Variants in FURIN observed in about 807,000 individuals in gnomAD.
FURIN encodes the protein FES upstream region.
A neutral mutation model predicts 89.2 loss-of-function variants in FURIN; 18 were observed. The ratio of observed to expected loss-of-function variants is 0.20; its 90% CI spans 0.14 to 0.30. The LOEUF (loss-of-function observed/expected upper bound fraction) is 0.30. Ranked by LOEUF, FURIN falls within the 10% of genes least tolerant of loss-of-function variation. FURIN has a pLI of 1.00. For synonymous variants in FURIN, 508 were observed against 466.4 expected (o/e 1.09, Z -1.15); for missense variants, 879 against 1,100.5 (o/e 0.80, Z 2.85).
Position 90,876,918 on chromosome 15 carries a change from T to A in FURIN, c.395T>A (p.Leu132Gln). 2 of 1,614,080 alleles carry A rather than the reference T, an allele frequency of 1.2e-6. No homozygotes were observed. Among genetic ancestry groups the A allele is most frequent in the Non-Finnish European group, 1.7e-6 (2 of 1,179,948 alleles). The change falls in exon 5 of 16, where the codon CTG (leucine) becomes CAG (glutamine). Residue 132 changes from leucine to glutamine, a missense_variant. Physicochemically the swap from Leu to Gln is moderately radical, Grantham distance 113. Around this residue, in one of 5 missense-constraint regions of FURIN, gnomAD observed 139 missense variants for 215.0 expected, o/e 0.65. Transcript: ENST00000268171. This position sits in a 1 kb window ranked among gnomAD's most constrained non-coding sequence, Gnocchi z 5.0. ...WYLSGVTQRDLNVKAAWAQGY... is the reference protein window; with the variant it reads ...WYLSGVTQRDQNVKAAWAQGY... ...CAGTCTGGTGTCACTCAGCGGGACC[T>A]GAATGTGAAGGCGGCCTGGGCGCAG...
chr15:90,872,569 T>C (rs2031376895), intron 1 of FURIN, among the ~76,000 whole-genome samples: 1 of 152,138 alleles, frequency 6.6e-6, no homozygotes, highest in Non-Finnish European at 1.5e-5. Flanking sequence ...CTATTTCCTA[T>C]ATTGGGCTTC....
chr15:90,883,407 G>A lies in FURIN; in HGVS notation c.*1529G>A, dbSNP rs539363356. ...TGCTGGTTCTATTTAATGGACATGAGATAATGTTAGAGGTTTTAAAGTGAT... is the reference window on the plus strand; with the variant it reads ...TGCTGGTTCTATTTAATGGACATGAAATAATGTTAGAGGTTTTAAAGTGAT... On this transcript the variant is annotated 3_prime_UTR_variant, in exon 16 of 16. Transcript: ENST00000268171. 2 of 152,794 alleles carry A rather than the reference G, an allele frequency of 1.3e-5. No homozygotes were observed. Among genetic ancestry groups the A allele is most frequent in the African/African-American group, 4.8e-5 (2 of 41,588 alleles). The allele number at this position is 152,794 out of a possible 1,614,324, so 9.5% of individuals were successfully genotyped here. A position where few individuals can be genotyped will look rare whatever the true frequency, so the allele number is the denominator to read the frequency against.
In FURIN at chr15:90,882,336, C is replaced by A. The variant is rs901368100; in HGVS notation, c.*458C>A. 5.8e-6 allele frequency: 1 copy of A among 172,876 alleles called. No individual in the cohort carries two copies. The highest frequency in any genetic ancestry group is 2.4e-5 in the African/African-American group (1 of 41,612). 10.7% of individuals were successfully genotyped at this position (172,876 alleles called of 1,614,324 possible). ...CTCCAAGGGCTTCTGCACCCTCCAC[C>A]CTGTCCCCCAGCTCTGGTGAGTCTT... On this transcript the variant is annotated 3_prime_UTR_variant, in exon 16 of 16. Coordinates refer to ENST00000268171, the MANE Select transcript of FURIN (RefSeq NM_002569.4).
intron 13 of FURIN, 21 bp downstream of exon 13, chr15:90,880,294 C>G (rs372874593): frequency 6.3e-7 from 1 of 1,576,678 alleles, no homozygotes; most frequent in Admixed American, 1.7e-5. Context: ...TGTCCCTGCC[C>G]GCCCTGCCCA....
chr15:90,880,340 T>TCACACG, intron 13 of FURIN, 67 bp downstream of exon 13: 1 of 1,337,920 alleles, frequency 7.5e-7, no homozygotes, highest in Non-Finnish European at 1.0e-6. Context: ...TGCTTGCCTT[T>TCACACG]GCTCGCTCAC....
rs1039755693 is a variant in FURIN, at chr15:90,875,929, C to A, written c.177+12C>A. 4 of 1,564,974 alleles carry A rather than the reference C, an allele frequency of 2.6e-6. No homozygotes were observed. The highest frequency in any genetic ancestry group is 2.6e-6 in the Non-Finnish European group (3 of 1,154,724). On this transcript the variant is annotated intron_variant, in intron 2 of 15. Coordinates refer to ENST00000268171, the MANE Select transcript of FURIN (RefSeq NM_002569.4). The stretch of plus-strand genomic sequence containing the variant: ...TCAACCTGGGCCAGGTAGGTGTTCC[C>A]CCACAGGACACTGCCAGGGGGTGGG...
chr15:90,876,651 C>T lies in FURIN; in HGVS notation c.372+94C>T, dbSNP rs192956287. ...ATGGAGGAGGCTGTCTTCGAGGCCT[C>T]CTCTGATTCGTTTCCTTTCCTCCTG... On this transcript the variant is annotated intron_variant, in intron 4 of 15. Coordinates refer to ENST00000268171, the MANE Select transcript of FURIN (RefSeq NM_002569.4). The surrounding 1 kb of genome is among the most constrained non-coding windows in gnomAD (Gnocchi z 5.0). The T allele has an allele frequency of 5.2e-5, 47 of 905,954 alleles. No individual in the cohort carries two copies. The East Asian group carries it at 1.2e-3, about 23-fold the overall frequency. The allele number at this position is 905,954 out of a possible 1,614,324, so 56.1% of individuals were successfully genotyped here.
In FURIN at chr15:90,881,728, G is replaced by T. The variant is rs200741648; in HGVS notation, c.2235G>T (p.Arg745=). ...AGCTGCGCTCTGGCTTTAGTTTTCG[G>T]GGGGTGAAGGTGTACACCATGGACC... is the stretch of plus-strand genomic sequence containing the variant. The part of the protein sequence containing the change: ...VLQLRSGFSF[R]GVKVYTMDRG... The change falls in exon 16 of 16, where the codon CGG becomes CGT. Residue 745 remains arginine (R), a synonymous_variant. Coordinates refer to ENST00000268171, the MANE Select transcript of FURIN (RefSeq NM_002569.4). The surrounding 1 kb of genome is among the most constrained non-coding windows in gnomAD (Gnocchi z 4.3). 10 of 1,599,276 alleles carry T rather than the reference G, an allele frequency of 6.3e-6. No homozygotes were observed. In the East Asian group the frequency reaches 1.8e-4, roughly 29 times the overall value.
intron 1 of FURIN, chr15:90,871,741 G>C (rs1596073327): frequency 2.0e-5 from 3 of 149,098 alleles, no homozygotes; most frequent in African/African-American, 7.3e-5. Flanking sequence ...TGCTCGGGCC[G>C]GGGAGGGTCG....
intron 1 of FURIN, chr15:90,873,083 A>C (rs1369929599): frequency 6.6e-6 from 1 of 152,316 alleles, no homozygotes; most frequent in Non-Finnish European, 1.5e-5. Context: ...GGTTTGAGAC[A>C]AACTGGGACT....
At position 90,878,119 on chromosome 15, in the gene FURIN, C is replaced by CA. The variant is rs1567083614; in HGVS notation, c.668-13_668-12insA. ...ATGCAGCATCCCTCTTCGTGCCCCCCCTTCACGGCCAGGGGTGCGCATGCT... is the reference window on the plus strand; with the variant it reads ...ATGCAGCATCCCTCTTCGTGCCCCCCACTTCACGGCCAGGGGTGCGCATGCT... On this transcript the variant is annotated splice_polypyrimidine_tract_variant and intron_variant, in intron 7 of 15. Coordinates refer to ENST00000268171, the MANE Select transcript of FURIN (RefSeq NM_002569.4). 2 of 1,613,502 alleles carry CA rather than the reference C, an allele frequency of 1.2e-6. No homozygotes were observed. Among genetic ancestry groups the CA allele is most frequent in the South Asian group, 2.2e-5 (2 of 91,078 alleles).
chr15:90,876,313 C>T lies in FURIN; in HGVS notation c.236C>T (p.Pro79Leu). 2 of 1,613,148 alleles carry T rather than the reference C, an allele frequency of 1.2e-6. No homozygotes were observed. Among genetic ancestry groups the T allele is most frequent in the South Asian group, 1.1e-5 (1 of 91,068 alleles). The stretch of plus-strand genomic sequence containing the variant: ...GGAGTGACGAAGCGGTCCCTGTCGC[C>T]TCACCGCCCGCGGCACAGCCGGCTG... ...HRGVTKRSLS[P>L]HRPRHSRLQR... Residue 79 changes from proline (P) to leucine (L), a missense_variant, in exon 3 of 16, where the codon CCT (proline) becomes CTT (leucine). Pro to Leu is a moderately conservative substitution (Grantham distance 98). Coordinates refer to ENST00000268171, the MANE Select transcript of FURIN (RefSeq NM_002569.4). This position sits in a 1 kb window ranked among gnomAD's most constrained non-coding sequence, Gnocchi z 5.0.
chr15:90,877,268 C>G (rs2031685913), intron 6 of FURIN, 57 bp downstream of exon 6: 1 of 1,374,784 alleles, frequency 7.3e-7, no homozygotes, highest in South Asian at 1.3e-5. Context: ...CACTAAGGAA[C>G]AGGGCTGAGC....
Position 90,875,915 on chromosome 15 carries a change from C to T in FURIN, c.175C>T (p.Gln59Ter). The change falls in exon 2 of 16, where the codon CAG becomes TAG. Residue 59 changes from glutamine to a stop codon, truncating the protein, a stop_gained and splice_region_variant. Coordinates refer to ENST00000268171, the MANE Select transcript of FURIN (RefSeq NM_002569.4). LOFTEE classifies it high-confidence loss of function. ...ARKHGFLNLG[Q>*]IFGDYYHFWH... is the part of the protein sequence containing the mutation. ...GAAGCATGGGTTCCTCAACCTGGGCCAGGTAGGTGTTCCCCCACAGGACAC... is the reference window on the plus strand; with the variant it reads ...GAAGCATGGGTTCCTCAACCTGGGCTAGGTAGGTGTTCCCCCACAGGACAC... 6.3e-7 allele frequency: 1 copy of T among 1,580,028 alleles called. No homozygotes were observed. The highest frequency in any genetic ancestry group is 8.6e-7 in the Non-Finnish European group (1 of 1,163,934).
In FURIN at chr15:90,881,830, G is replaced by C. The variant is rs753794963; in HGVS notation, c.2337G>C (p.Glu779Asp). The change falls in exon 16 of 16, where the codon GAG becomes GAC. Residue 779 changes from glutamate to aspartate, a missense_variant. Glu to Asp is a conservative substitution (Grantham distance 45, BLOSUM62 2). Coordinates refer to ENST00000268171, the MANE Select transcript of FURIN (RefSeq NM_002569.4). The surrounding 1 kb of genome is among the most constrained non-coding windows in gnomAD (Gnocchi z 4.3). ...EECPSDSEED[E>D]GRGERTAFIK... ...GCCCGTCTGACTCAGAAGAGGACGA[G>C]GGCCGGGGCGAGAGGACCGCCTTTA... The C allele has an allele frequency of 4.3e-6, 7 of 1,613,344 alleles. No homozygotes were observed. Among genetic ancestry groups the C allele is most frequent in the Non-Finnish European group, 5.9e-6 (7 of 1,179,992 alleles).
rs142958710 is a variant in FURIN, at chr15:90,880,740, A to G, written c.1606A>G (p.Thr536Ala). 1.7e-5 allele frequency: 27 copies of G among 1,613,854 alleles called. No homozygotes were observed. The South Asian group carries it at 1.9e-4, about 11-fold the overall frequency. Residue 536 changes from threonine (T) to alanine (A), a missense_variant, in exon 14 of 16, where the codon ACT becomes GCT. Thr to Ala is a moderately conservative substitution (Grantham distance 58). Transcript: ENST00000268171. ...GTTTAATGACTGGGCCTTCATGACA[A>G]CTCATTCCTGGGATGAGGATCCCTC... ...DGFNDWAFMT[T>A]HSWDEDPSGE...
Position 90,877,089 on chromosome 15 carries a change from A to G in FURIN, c.502-46A>G, listed in dbSNP as rs201860318. On this transcript the variant is annotated intron_variant, in intron 5 of 15. Coordinates refer to ENST00000268171, the MANE Select transcript of FURIN (RefSeq NM_002569.4). The stretch of plus-strand genomic sequence containing the variant: ...GTGTGTCTAGAGGCTGTCTTGTTCT[A>G]TCAGTGAGGTCAGCCTTCTCCTGAT... The G allele has an allele frequency of 1.0e-3, 1,647 of 1,610,990 alleles. 9 individuals carry two copies. Among genetic ancestry groups the G allele is most frequent in the South Asian group, 7.1e-3 (648 of 90,784 alleles).
At chr15:90,874,848 C>T (rs903927148) in intron 1 of FURIN, among the ~76,000 whole-genome samples, 2 of 152,180 alleles carry the variant, frequency 1.3e-5, no homozygotes, top group South Asian at 2.1e-4. Flanking sequence ...CCAGATTTCG[C>T]TTTAGTTTGT....
intron 13 of FURIN, 121 bp downstream of exon 13, chr15:90,880,394 G>C: frequency 1.2e-6 from 1 of 835,014 alleles, no homozygotes; most frequent in Non-Finnish European, 1.8e-6. Flanking sequence ...GGCACTCTTG[G>C]CATTTTGGGA....
Sources: allele counts gnomAD v4.1 joint callset (sites outside exome capture counted in the v4.1 genomes callset), GRCh38; gene constraint gnomAD v4.1.1; regional missense constraint gnomAD v4.1.1; non-coding constraint Gnocchi (gnomAD v3.1); transcripts MANE v1.5; gene names NCBI Gene and HGNC (gene_info 2026-07-23, HGNC 2026-07-21).